The following ARPC1A variants were observed in gnomAD, a reference collection of about 807,000 sequenced individuals.
ARPC1A encodes the protein actin-related protein 2/3 complex subunit 1A.
A neutral mutation model predicts 46.9 loss-of-function variants in ARPC1A; 8 were observed. The ratio of observed to expected loss-of-function variants is 0.17; its 90% confidence interval spans 0.10 to 0.31. The LOEUF is 0.31. Among genes scored for constraint, ARPC1A ranks in the 10% least tolerant of loss-of-function variants. The pLI is 1.00. For missense variants in ARPC1A, 286 were observed against 483.6 expected, an observed-to-expected ratio of 0.59 and a Z score of 3.83; for synonymous variants, 152 against 169.0, an observed-to-expected ratio of 0.90 and a Z score of 0.78.
Position 99,333,376 on chromosome 7 carries a change from T to C in ARPC1A, c.23T>C (p.Leu8Pro). ...ATAATGTCACTGCATCAGTTTTTAC[T>C]AGAGCCAATCACCTGTCATGCCTGG... MSLHQFLLEPITCHAWNR... is the reference protein window; with the variant it reads MSLHQFLPEPITCHAWNR... The change falls in exon 2 of 10, where the codon CTA (leucine) becomes CCA (proline). Residue 8 changes from leucine (L) to proline (P), a missense_variant. Physicochemically the swap from Leu to Pro is moderately conservative, Grantham distance 98. Around this residue, in one of 5 missense-constraint regions of ARPC1A, gnomAD observed 55 missense variants for 59.4 expected, o/e 0.93. Coordinates refer to ENST00000262942, the MANE Select transcript of ARPC1A (RefSeq NM_006409.4). 2 of 1,613,902 alleles carry C rather than the reference T, an allele frequency of 1.2e-6. No individual in the cohort carries two copies. Among genetic ancestry groups the C allele is most frequent in the Non-Finnish European group, 1.7e-6 (2 of 1,179,840 alleles).
chr7:99,347,499 G>GT (rs1303662815), intron 4 of ARPC1A, among the ~76,000 whole-genome samples: 1 of 152,078 alleles, frequency 6.6e-6, no homozygotes, highest in African/African-American at 2.4e-5. Flanking sequence ...GAGACCAGGA[G>GT]TTTGAGACCA....
At position 99,359,755 on chromosome 7, in the gene ARPC1A, G is replaced by A; in HGVS notation, c.983+17G>A. 4 of 1,613,852 alleles carry A rather than the reference G, an allele frequency of 2.5e-6. No homozygotes were observed. The highest frequency in any genetic ancestry group is 3.4e-6 in the Non-Finnish European group (4 of 1,179,932). On this transcript the variant is annotated intron_variant, in intron 8 of 9. Transcript: ENST00000262942. Reference sequence around the variant, plus strand: ...TAGCATCACGTAGGTGCCGTCTGTAGAGAGGTGGTCAGGTGACAAGGTGCC... The same window carrying A: ...TAGCATCACGTAGGTGCCGTCTGTAAAGAGGTGGTCAGGTGACAAGGTGCC...
At chr7:99,356,764 G>T (rs868855615) in intron 6 of ARPC1A, among the ~76,000 whole-genome samples, 26 of 152,220 alleles carry the variant, frequency 1.7e-4, no homozygotes, top group Admixed American at 1.2e-3. Context: ...GCCAGGCGTG[G>T]TGGCGGGCGC....
At position 99,348,893 on chromosome 7, in the gene ARPC1A, T is replaced by C; in HGVS notation, c.434T>C (p.Val145Ala). The change falls in exon 5 of 10, where the codon GTC (valine) becomes GCC (alanine). Residue 145 changes from valine (V) to alanine (A), a missense_variant. By Grantham distance (64) the Val-to-Ala change is moderately conservative. This residue lies in a region of ARPC1A where 11 missense variants were observed against 32.4 expected (regional missense o/e 0.34). Coordinates refer to ENST00000262942, the MANE Select transcript of ARPC1A (RefSeq NM_006409.4). ...ATTAAAAAGCCGATTCGCTCCACAG[T>C]CCTCAGCTTGGATTGGCATCCCAAC... ...KHIKKPIRST[V>A]LSLDWHPNNV... The C allele has an allele frequency of 6.2e-7, 1 of 1,614,148 alleles. No individual in the cohort carries two copies.
chr7:99,361,722 C>G (rs747549141), intron 8 of ARPC1A, among the ~76,000 whole-genome samples: 4 of 152,166 alleles, frequency 2.6e-5, no homozygotes, highest in Non-Finnish European at 5.9e-5. Context: ...GATTAGTCTA[C>G]TTTTATTTGC....
chr7:99,364,235 G>A (rs1043898736), intron 9 of ARPC1A, among the ~76,000 whole-genome samples: 3 of 151,030 alleles, frequency 2.0e-5, no homozygotes, highest in Non-Finnish European at 4.4e-5. Flanking sequence ...GATTACAGGC[G>A]TGAGCCACCA....
At position 99,354,094 on chromosome 7, in the gene ARPC1A, C is replaced by G; in HGVS notation, c.686C>G (p.Ser229Cys). The G allele has an allele frequency of 2.5e-6, 4 of 1,614,028 alleles. No homozygotes were observed. Among genetic ancestry groups the G allele is most frequent in the Non-Finnish European group, 3.4e-6 (4 of 1,179,928 alleles). The change falls in exon 6 of 10, where the codon TCT (serine) becomes TGT (cysteine). Residue 229 changes from serine to cysteine, a missense_variant. Ser to Cys is a moderately radical substitution (Grantham distance 112, BLOSUM62 -1). Coordinates refer to ENST00000262942, the MANE Select transcript of ARPC1A (RefSeq NM_006409.4). ...LAWVSHDSTV[S>C]VADASKSVQV... Reference sequence around the variant, plus strand: ...TGGGTCAGCCACGACAGCACCGTGTCTGTTGCTGATGCCTCAAAAAGTGTG... The same window carrying G: ...TGGGTCAGCCACGACAGCACCGTGTGTGTTGCTGATGCCTCAAAAAGTGTG...
In ARPC1A at chr7:99,363,645, C is replaced by G; in HGVS notation, c.1074+12C>G. On this transcript the variant is annotated intron_variant, in intron 9 of 9. Transcript: ENST00000262942. Reference sequence around the variant, plus strand: ...TTTGGGATTTCAAGGTATTTTCTACCTAACAGAACAAATTTTGTTTGTGTT... The same window carrying G: ...TTTGGGATTTCAAGGTATTTTCTACGTAACAGAACAAATTTTGTTTGTGTT... 6.4e-7 allele frequency: 1 copy of G among 1,574,184 alleles called. No individual in the cohort carries two copies. Among genetic ancestry groups the G allele is most frequent in the Admixed American group, 2.0e-5 (1 of 50,288 alleles).
intron 1 of ARPC1A, among the ~76,000 whole-genome samples, chr7:99,331,804 A>G (rs1793148517): frequency 6.6e-6 from 1 of 152,162 alleles, no homozygotes; most frequent in Non-Finnish European, 1.5e-5. Context: ...TTGTAATCCC[A>G]GCTACTCAGG....
chr7:99,365,012 AC>A (rs1793809803), intron 9 of ARPC1A, among the ~76,000 whole-genome samples: 1 of 151,874 alleles, frequency 6.6e-6, no homozygotes, highest in Non-Finnish European at 1.5e-5. Context: ...GGAGGGAGGG[AC>A]TGTGAGTTGA....
chr7:99,342,784 G>A (rs147341998), intron 3 of ARPC1A, among the ~76,000 whole-genome samples: 11,737 of 142,520 alleles, frequency 0.082, 661 homozygotes, highest in African/African-American at 0.17. Flanking sequence ...GTGCAGTGGT[G>A]CGATCTCGGC....
intron 5 of ARPC1A, 48 bp from the exon 6 acceptor site, chr7:99,353,861 A>G: frequency 1.3e-6 from 2 of 1,565,144 alleles, no homozygotes; most frequent in Non-Finnish European, 1.8e-6. Context: ...GTTTCTATAT[A>G]CATATATTTT....
chr7:99,358,229 C>A (rs1421427759), intron 6 of ARPC1A, 111 bp from the exon 7 acceptor site: 3 of 1,003,920 alleles, frequency 3.0e-6, no homozygotes, highest in African/African-American at 3.2e-5. Context: ...ACATAAGTGC[C>A]CATTGATACT....
chr7:99,344,549 TA>T, intron 4 of ARPC1A, 34 bp downstream of exon 4: 2 of 1,602,160 alleles, frequency 1.2e-6, no homozygotes, highest in Non-Finnish European at 1.7e-6. Flanking sequence ...TATCCCTCTC[TA>T]TAGAATTTAC....
At chr7:99,344,749 C>A (rs11760678) in intron 4 of ARPC1A, among the ~76,000 whole-genome samples, 1 of 151,870 alleles carries the variant, frequency 6.6e-6, no homozygotes, top group African/African-American at 2.4e-5. Context: ...TAACTTGTTT[C>A]TTCTGCAAGA....
intron 9 of ARPC1A, among the ~76,000 whole-genome samples, chr7:99,364,547 C>T (rs766385190): frequency 2.6e-5 from 4 of 152,118 alleles, no homozygotes; most frequent in Non-Finnish European, 5.9e-5. Context: ...GCCAGGATTA[C>T]AGGCGTGAGC....
intron 9 of ARPC1A, among the ~76,000 whole-genome samples, chr7:99,365,122 G>A (rs1376581100): frequency 6.6e-6 from 1 of 152,166 alleles, no homozygotes; most frequent in Non-Finnish European, 1.5e-5. Context: ...TGCCCGTGCT[G>A]TGGTCCTCCG....
At chr7:99,363,706 T>G in intron 9 of ARPC1A, 73 bp downstream of exon 9, 3 of 1,111,802 alleles carry the variant, frequency 2.7e-6, no homozygotes, top group Non-Finnish European at 3.8e-6. Flanking sequence ...GATAGGCTCC[T>G]TCTCTGTCAC....
Position 99,337,594 on chromosome 7 carries a change from G to A in ARPC1A, c.65-587G>A, listed in dbSNP as rs1158850623. ...ACCTGTATGAGTTTTTAAAAAGTCCGTTTTGTGTATTATATTTTGGATTAG... is the reference window on the plus strand; with the variant it reads ...ACCTGTATGAGTTTTTAAAAAGTCCATTTTGTGTATTATATTTTGGATTAG... On this transcript the variant is annotated intron_variant, in intron 2 of 9. Transcript: ENST00000262942. Among the ~76,000 whole-genome samples the A allele has an allele frequency of 5.9e-5, 9 of 152,200 alleles. 1 individual carries two copies. The highest frequency in any genetic ancestry group is 3.3e-4 in the Admixed American group (5 of 15,276).
Sources: gnomAD v4.1 joint callset for allele counts (sites outside exome capture counted in the v4.1 genomes callset) on GRCh38, gnomAD v4.1.1 for gene constraint, gnomAD v4.1.1 regional missense constraint, MANE v1.5 for transcripts, NCBI Gene and HGNC (gene_info 2026-07-23, HGNC 2026-07-21) for gene names.